PDZRN4: variants seen among roughly 807,000 people sequenced by gnomAD.
PDZRN4 encodes PDZ domain-containing RING finger protein 4.
A neutral mutation model predicts 99.0 loss-of-function variants in PDZRN4; 70 were observed. That is an observed-to-expected ratio of 0.71 (90% confidence interval 0.58 to 0.86). PDZRN4 has a LOEUF of 0.86. Ranked by LOEUF, PDZRN4 falls within the 40% of genes least tolerant of loss-of-function variation. The pLI is 0.00. For synonymous variants in PDZRN4, 551 were observed against 501.6 expected (o/e 1.10, Z -1.32); for missense variants, 1,474 against 1,331.2 (o/e 1.11, Z -1.67).
At chr12:41,366,064 G>T (rs779066975) in intron 3 of PDZRN4, among the ~76,000 whole-genome samples, 1 of 152,076 alleles carries the variant, frequency 6.6e-6, no homozygotes, top group Non-Finnish European at 1.5e-5. Flanking sequence ...ACCACAGATT[G>T]CTAATACTAT....
At chr12:41,352,882 G>A (rs1951901727) in intron 3 of PDZRN4, among the ~76,000 whole-genome samples, 1 of 152,090 alleles carries the variant, frequency 6.6e-6, no homozygotes, top group Non-Finnish European at 1.5e-5. Context: ...TGAAAAGGTA[G>A]CTAACAGTGT....
At chr12:41,398,912 T>G (rs532262696) in intron 3 of PDZRN4, among the ~76,000 whole-genome samples, 8 of 152,300 alleles carry the variant, frequency 5.3e-5, no homozygotes, top group Admixed American at 3.9e-4. Flanking sequence ...TTCTAAGATT[T>G]TATTAGATTA....
At chr12:41,370,478 C>T (rs1592031371) in intron 3 of PDZRN4, among the ~76,000 whole-genome samples, 2 of 151,970 alleles carry the variant, frequency 1.3e-5, no homozygotes, top group East Asian at 1.9e-4. Flanking sequence ...TGCCTTTTCT[C>T]TCTGTTGCTT....
chr12:41,467,125 A>T (rs756883039), intron 3 of PDZRN4, among the ~76,000 whole-genome samples: 8 of 152,226 alleles, frequency 5.3e-5, no homozygotes, highest in Non-Finnish European at 1.0e-4. Context: ...TCCTGATGGG[A>T]TCATGGCATA....
chr12:41,517,883 G>C (rs1171256449), intron 5 of PDZRN4, among the ~76,000 whole-genome samples: 1 of 152,000 alleles, frequency 6.6e-6, no homozygotes, highest in African/African-American at 2.4e-5. Context: ...GTATCAAGTA[G>C]CACACCTCTC....
intron 9 of PDZRN4, among the ~76,000 whole-genome samples, chr12:41,568,170 T>A (rs1939411495): frequency 6.6e-6 from 1 of 152,208 alleles, no homozygotes; most frequent in Non-Finnish European, 1.5e-5. Flanking sequence ...TACTTCAAAC[T>A]AATTGCAGAA....
chr12:41,230,166 C>T (rs566768528), intron 3 of PDZRN4, among the ~76,000 whole-genome samples: 6 of 152,078 alleles, frequency 3.9e-5, no homozygotes, highest in Admixed American at 1.3e-4. Context: ...AAGCCACCCC[C>T]TCTCCAGCTT....
chr12:41,460,001 T>A, intron 3 of PDZRN4: 18 of 1,288,478 alleles, frequency 1.4e-5, no homozygotes, highest in Non-Finnish European at 1.8e-5. Context: ...AAATTGCCAG[T>A]GTTCCCAACC....
Position 41,423,170 on chromosome 12 carries a change from A to G in PDZRN4, c.844-83286A>G, listed in dbSNP as rs1243607526. Among the ~76,000 whole-genome samples the G allele has an allele frequency of 2.6e-5, 4 of 152,022 alleles. No homozygotes were observed. The East Asian group carries it at 7.7e-4, about 29-fold the overall frequency. On this transcript the variant is annotated intron_variant, in intron 3 of 9. Coordinates refer to ENST00000402685, the MANE Select transcript of PDZRN4 (RefSeq NM_001164595.2). Reference sequence around the variant, plus strand: ...GAAACTTTTTTTTTATTATACTTTAAGTTCTGGAGCACATGTGCAGAACAT... The same window carrying G: ...GAAACTTTTTTTTTATTATACTTTAGGTTCTGGAGCACATGTGCAGAACAT...
intron 3 of PDZRN4, among the ~76,000 whole-genome samples, chr12:41,213,848 T>C (rs1278018647): frequency 1.3e-5 from 2 of 151,988 alleles, no homozygotes; most frequent in Admixed American, 6.6e-5. Context: ...GGATTGGAAT[T>C]TCAGCCCTGC....
chr12:41,299,602 G>T (rs1951520319), intron 3 of PDZRN4, among the ~76,000 whole-genome samples: 1 of 151,782 alleles, frequency 6.6e-6, no homozygotes, highest in African/African-American at 2.4e-5. Context: ...CCTTTTATCT[G>T]CTCGTTCTTC....
intron 5 of PDZRN4, among the ~76,000 whole-genome samples, chr12:41,525,874 T>C (rs983688996): frequency 1.3e-5 from 2 of 152,212 alleles, no homozygotes; most frequent in African/African-American, 2.4e-5. Context: ...AGCCCATTTG[T>C]ATATTTGACT....
intron 3 of PDZRN4, among the ~76,000 whole-genome samples, chr12:41,424,978 A>C (rs1403157860): frequency 6.6e-6 from 1 of 152,164 alleles, no homozygotes; most frequent in Non-Finnish European, 1.5e-5. Flanking sequence ...TGGGGCTGGG[A>C]AAAGAAAATA....
chr12:41,380,959 T>G (rs183458069), intron 3 of PDZRN4, among the ~76,000 whole-genome samples: 1 of 152,300 alleles, frequency 6.6e-6, no homozygotes, highest in East Asian at 1.9e-4. Context: ...AGCCTTTATC[T>G]CTGTCTTCAT....
At chr12:41,229,812 T>C (rs765666433) in intron 3 of PDZRN4, among the ~76,000 whole-genome samples, 2 of 152,076 alleles carry the variant, frequency 1.3e-5, no homozygotes, top group Admixed American at 6.6e-5. Context: ...GTGAGGTCAA[T>C]GACATTCTCT....
At chr12:41,361,682 G>A (rs1165238176) in intron 3 of PDZRN4, among the ~76,000 whole-genome samples, 1 of 152,018 alleles carries the variant, frequency 6.6e-6, no homozygotes, top group Non-Finnish European at 1.5e-5. Flanking sequence ...AGAAATGGAC[G>A]TCTTGCTACT....
chr12:41,234,524 G>A (rs957626654), intron 3 of PDZRN4, among the ~76,000 whole-genome samples: 5 of 152,120 alleles, frequency 3.3e-5, no homozygotes, highest in Admixed American at 3.3e-4. Flanking sequence ...CACTGATAGA[G>A]ATATCTAACT....
rs180993756 is a variant in PDZRN4, at chr12:41,442,941, A to C, written c.844-63515A>C. On this transcript the variant is annotated intron_variant, in intron 3 of 9. Transcript: ENST00000402685. ...CAATACCTTCCTATGATAAACCTCT[A>C]TTTTATTTGCTAGAATGAGGTGTCT... Among the ~76,000 whole-genome samples the C allele has an allele frequency of 3.5e-3, 526 of 152,234 alleles. 2 individuals are homozygous for C. The highest frequency in any genetic ancestry group is 0.012 in the African/African-American group (495 of 41,564).
At chr12:41,249,957 C>G (rs1278688951) in intron 3 of PDZRN4, among the ~76,000 whole-genome samples, 2 of 152,190 alleles carry the variant, frequency 1.3e-5, no homozygotes, top group Non-Finnish European at 2.9e-5. Flanking sequence ...AATTTACGCA[C>G]ACTTTTCTCC....
Sources: gnomAD v4.1 joint callset for allele counts (sites outside exome capture counted in the v4.1 genomes callset) on GRCh38, gnomAD v4.1.1 for gene constraint, MANE v1.5 for transcripts, NCBI Gene and HGNC (gene_info 2026-07-23, HGNC 2026-07-21) for gene names.